Variants in VWF observed in about 807,000 individuals in gnomAD.
VWF encodes Factor VIII related antigen.
A neutral mutation model predicts 308.6 loss-of-function variants in VWF; 176 were observed. The observed-to-expected ratio is 0.57, with a 90% CI of 0.50 to 0.65. The LOEUF is 0.65. Ranked by LOEUF, VWF falls within the 30% of genes least tolerant of loss-of-function variation. The pLI is 0.00. For synonymous variants in VWF, 1,385 were observed against 1,443.4 expected (o/e 0.96, Z 0.92); for missense variants, 3,146 against 3,648.2 (o/e 0.86, Z 3.55).
intron 21 of VWF, among the ~76,000 whole-genome samples, chr12:6,030,260 T>C (rs1053711654): frequency 1.3e-5 from 2 of 152,246 alleles, no homozygotes. Context: ...ACACCTCCTG[T>C]TCAGCATCAT....
intron 34 of VWF, among the ~76,000 whole-genome samples, chr12:5,998,327 A>G (rs906208249): frequency 6.6e-6 from 1 of 150,544 alleles, no homozygotes; most frequent in Non-Finnish European, 1.5e-5. Flanking sequence ...TGAAACCCCA[A>G]CTCTACTAAA....
intron 2 of VWF, among the ~76,000 whole-genome samples, chr12:6,121,882 C>CATCAT (rs754588643): frequency 2.6e-5 from 4 of 151,506 alleles, no homozygotes; most frequent in Non-Finnish European, 5.9e-5. Flanking sequence ...AGGGAGCCAA[C>CATCAT]ATCATACCAC....
chr12:6,080,253 G>T (rs911180049), intron 6 of VWF, among the ~76,000 whole-genome samples: 14 of 152,208 alleles, frequency 9.2e-5, no homozygotes, highest in African/African-American at 3.1e-4. Context: ...CTCATGGCAG[G>T]GAATAAGGAT....
chr12:6,031,654 C>CA, intron 20 of VWF, 76 bp from the exon 21 acceptor site: 1 of 1,609,114 alleles, frequency 6.2e-7, no homozygotes, highest in African/African-American at 1.3e-5. Context: ...GGCATCTCTT[C>CA]ATCACAGGCC....
chr12:5,993,473 A>T (rs771103963), intron 37 of VWF, among the ~76,000 whole-genome samples: 1 of 152,206 alleles, frequency 6.6e-6, no homozygotes, highest in African/African-American at 2.4e-5. Context: ...TTTCAAATTC[A>T]ATGTGACTGG....
intron 32 of VWF, among the ~76,000 whole-genome samples, chr12:6,012,862 C>T (rs2854867): frequency 0.088 from 13,302 of 151,888 alleles, 554 homozygotes; most frequent in South Asian, 0.13. Flanking sequence ...CCACCACGCC[C>T]GGCTAATTTT....
Position 6,016,839 on chromosome 12 carries a change from G to A in VWF, c.5085C>T (p.Leu1695=). The A allele has an allele frequency of 6.2e-7, 1 of 1,614,102 alleles. No homozygotes were observed. The change falls in exon 29 of 52, where the codon CTC becomes CTT. Residue 1695 remains leucine (L), a synonymous_variant. Coordinates refer to ENST00000261405, the MANE Select transcript of VWF (RefSeq NM_000552.5). ...CTGGGAAACTGGAGGAGCCATCCAG[G>A]AGAAGGATCACGTCCAGGGGCTGGC... The part of the protein sequence containing the change: ...DCSQPLDVIL[L]LDGSSSFPAS...
Position 6,075,050 on chromosome 12 carries a change from G to A in VWF, c.874+285C>T, listed in dbSNP as rs1291189499. Among the ~76,000 whole-genome samples, 4 of 151,404 alleles carry A rather than the reference G, an allele frequency of 2.6e-5. No individual in the cohort carries two copies. Among genetic ancestry groups the A allele is most frequent in the African/African-American group, 9.7e-5 (4 of 41,154 alleles). ...CTTGGTGGGAAGCAGAGAACACTGT[G>A]TGAGTGCAGGGGTCGGATTTCCTGA... On this transcript the variant is annotated intron_variant, in intron 7 of 51. Coordinates refer to ENST00000261405, the MANE Select transcript of VWF (RefSeq NM_000552.5). The surrounding 1 kb of genome is among the most constrained non-coding windows in gnomAD (Gnocchi z 4.7).
At chr12:5,965,725 C>A (rs571010616) in intron 47 of VWF, among the ~76,000 whole-genome samples, 1 of 152,154 alleles carries the variant, frequency 6.6e-6, no homozygotes, top group Non-Finnish European at 1.5e-5. Context: ...ACCACAGCTA[C>A]CCCCAACCCA....
At chr12:5,975,185 T>C (rs1943520135) in intron 43 of VWF, among the ~76,000 whole-genome samples, 1 of 152,234 alleles carries the variant, frequency 6.6e-6, no homozygotes, top group Non-Finnish European at 1.5e-5. Flanking sequence ...GGGCCTGGGT[T>C]TCGGGATTTG....
rs368003504 is a variant in VWF, at chr12:5,979,024, A to G, written c.7287+2762T>C. Among the ~76,000 whole-genome samples the G allele has an allele frequency of 2.0e-5, 3 of 152,360 alleles. No homozygotes were observed. The South Asian group carries it at 6.2e-4, about 32-fold the overall frequency. On this transcript the variant is annotated intron_variant, in intron 42 of 51. Transcript: ENST00000261405. ...ATTTACCCCAGGGAGGACAACTTGA[A>G]TATCAAAAAAAAATAAAGTTTACAA...
At chr12:6,081,934 G>T (rs1944916181) in intron 6 of VWF, among the ~76,000 whole-genome samples, 1 of 151,888 alleles carries the variant, frequency 6.6e-6, no homozygotes, top group Non-Finnish European at 1.5e-5. Context: ...ATTATTTTTT[G>T]GCTTGGAATT....
At chr12:6,057,807 G>A (rs1325919206) in intron 14 of VWF, 42 bp downstream of exon 14, 3 of 1,570,038 alleles carry the variant, frequency 1.9e-6, no homozygotes, top group Non-Finnish European at 8.6e-7. Flanking sequence ...TGGAGACCTC[G>A]AGATTCTGCG....
At chr12:6,004,822 C>G (rs991023793) in intron 34 of VWF, among the ~76,000 whole-genome samples, 1 of 151,912 alleles carries the variant, frequency 6.6e-6, no homozygotes, top group Admixed American at 6.6e-5. Context: ...GTCTCATTTA[C>G]AATTGCAACA....
chr12:6,038,349 T>C (rs1448550059), intron 18 of VWF, among the ~76,000 whole-genome samples: 1 of 152,176 alleles, frequency 6.6e-6, no homozygotes, highest in Non-Finnish European at 1.5e-5. Context: ...GCAAATACCA[T>C]GTGGGACAGA....
rs10622633 is a variant in VWF, at chr12:6,052,797, G to GA, written c.1946-15dup. ...GGCAGTTCAGCTCTAGAAGAGAGAGGAGAAGTAAGGCCTCAGCGGGAATGT... is the reference window on the plus strand; with the variant it reads ...GGCAGTTCAGCTCTAGAAGAGAGAGGAAGAAGTAAGGCCTCAGCGGGAATGT... On this transcript the variant is annotated splice_polypyrimidine_tract_variant and intron_variant, in intron 15 of 51. Transcript: ENST00000261405. 11 of 1,609,782 alleles carry GA rather than the reference G, an allele frequency of 6.8e-6. No homozygotes were observed. The highest frequency in any genetic ancestry group is 1.6e-4 in the Middle Eastern group (1 of 6,078).
At chr12:6,054,073 C>A (rs1235864508) in intron 15 of VWF, among the ~76,000 whole-genome samples, 1 of 152,232 alleles carries the variant, frequency 6.6e-6, no homozygotes, top group Admixed American at 6.5e-5. Flanking sequence ...CACAATCCTT[C>A]CCCTCTCTGT....
Position 6,096,099 on chromosome 12 carries a change from G to A in VWF, c.533-515C>T, listed in dbSNP as rs1355183571. The A allele has an allele frequency of 5.3e-5, 9 of 169,160 alleles. No individual in the cohort carries two copies. In the East Asian group the frequency reaches 1.4e-3, roughly 26 times the overall value. 10.5% of individuals were successfully genotyped at this position (169,160 alleles called of 1,614,324 possible). Reference sequence around the variant, plus strand: ...AGACGCTTGGAGACTGAAGAAGGATGGATGGATAGATGGATGGATGGATGG... The same window carrying A: ...AGACGCTTGGAGACTGAAGAAGGATAGATGGATAGATGGATGGATGGATGG... On this transcript the variant is annotated intron_variant, in intron 5 of 51. Transcript: ENST00000261405.
In VWF at chr12:6,027,287, G is replaced by C. The variant is rs530298547; in HGVS notation, c.2968-1241C>G. ...CACCTTAAGGCCTCGGCACGTGCTT[G>C]TTCCGTCTGCCTAAACTCTCTCCCC... On this transcript the variant is annotated intron_variant, in intron 22 of 51. Coordinates refer to ENST00000261405, the MANE Select transcript of VWF (RefSeq NM_000552.5). 2.0e-5 allele frequency among the ~76,000 whole-genome samples: 3 copies of C among 152,252 alleles called. No homozygotes were observed. The South Asian group carries it at 6.2e-4, about 32-fold the overall frequency.
Sources: allele counts gnomAD v4.1 joint callset (sites outside exome capture counted in the v4.1 genomes callset), GRCh38; gene constraint gnomAD v4.1.1; non-coding constraint Gnocchi (gnomAD v3.1); transcripts MANE v1.5; gene names NCBI Gene and HGNC (gene_info 2026-07-23, HGNC 2026-07-21).